The following ZNF713 variants were observed in gnomAD, a reference collection of about 807,000 sequenced individuals.
The protein encoded by ZNF713 is zinc finger protein 713.
ZNF713 carries 21 observed loss-of-function variants against 28.7 expected under a neutral mutation model. That is an observed-to-expected ratio of 0.73 (90% CI 0.52 to 1.05). The LOEUF is 1.05. Among genes scored for constraint, ZNF713 ranks in the 50% least tolerant of loss-of-function variants. The pLI is 0.00. For missense variants in ZNF713, 458 were observed against 532.4 expected (o/e 0.86, Z 1.37); for synonymous variants, 167 against 178.0 (o/e 0.94, Z 0.49).
intron 6 of ZNF713, among the ~76,000 whole-genome samples, chr7:55,932,846 T>TGCAGTCC: frequency 8.2e-6 from 1 of 121,728 alleles, no homozygotes; most frequent in Non-Finnish European, 1.6e-5. Context: ...ATTGCGCCAC[T>TGCAGTCC]GCAGTCCGCA....
In ZNF713 at chr7:55,927,896, CAAAA is replaced by C. The variant is rs71533249; in HGVS notation, c.307+4218_307+4221del. 8.2e-3 allele frequency among the ~76,000 whole-genome samples: 370 copies of C among 44,866 alleles called. 2 individuals carry two copies. The highest frequency in any genetic ancestry group is 0.011 in the Admixed American group (25 of 2,318). The allele number at this position is 44,866 out of a possible 152,430, so 29.4% of individuals were successfully genotyped here. ...TGGGTGACAGAGCAAGACTCTGTCT[CAAAA>C]AAAAAAAAAAAAAAAAAAAAGCCAC... is the stretch of plus-strand genomic sequence containing the variant. On this transcript the variant is annotated intron_variant, in intron 6 of 6. Coordinates refer to ENST00000429591, the MANE Select transcript of ZNF713 (RefSeq NM_182633.3).
chr7:55,899,642 A>T (rs1785537881), intron 1 of ZNF713, among the ~76,000 whole-genome samples: 1 of 151,846 alleles, frequency 6.6e-6, no homozygotes, highest in Admixed American at 6.6e-5. Flanking sequence ...ACTGCACTCC[A>T]GCCTGGGCAA....
At chr7:55,899,019 A>G (rs1170275349) in intron 1 of ZNF713, among the ~76,000 whole-genome samples, 4 of 152,214 alleles carry the variant, frequency 2.6e-5, no homozygotes, top group African/African-American at 9.6e-5. Flanking sequence ...GGGAATGTAA[A>G]TTAATACAGC....
intron 6 of ZNF713, among the ~76,000 whole-genome samples, chr7:55,933,593 C>T (rs577437655): frequency 3.9e-5 from 6 of 152,122 alleles, no homozygotes; most frequent in Admixed American, 2.0e-4. Context: ...CTACTGTGCC[C>T]GGCTTCCTCC....
intron 3 of ZNF713, 113 bp from the exon 4 acceptor site, chr7:55,912,522 A>T (rs187720861): frequency 1.4e-6 from 1 of 693,684 alleles, no homozygotes; most frequent in Admixed American, 2.5e-5. Flanking sequence ...CTTTAGGCTT[A>T]TGTCTTAGAG....
intron 5 of ZNF713, 130 bp downstream of exon 5, chr7:55,923,418 C>A: frequency 7.6e-7 from 1 of 1,308,904 alleles, no homozygotes; most frequent in Non-Finnish European, 1.1e-6. Flanking sequence ...GTTTTGGAGT[C>A]AAAGACCTTT....
intron 1 of ZNF713, among the ~76,000 whole-genome samples, chr7:55,903,679 C>A (rs2047942): frequency 0.81 from 115,504 of 142,272 alleles, 47,282 homozygotes; most frequent in East Asian, 0.95. Flanking sequence ...AAAAAAAAAA[C>A]AAAAAAAAAC....
Position 55,912,043 on chromosome 7 carries a change from C to T in ZNF713, c.-28C>T, listed in dbSNP as rs1281995769. On this transcript the variant is annotated 5_prime_UTR_variant, in exon 3 of 7. Transcript: ENST00000429591. Reference sequence around the variant, plus strand: ...AGAGAGGTGTAATCCCAGTGGAAGACTGAATCGAGAGACTCAAAAAGGAAG... The same window carrying T: ...AGAGAGGTGTAATCCCAGTGGAAGATTGAATCGAGAGACTCAAAAAGGAAG... The T allele has an allele frequency of 6.6e-6, 1 of 152,260 alleles. No homozygotes were observed. Among genetic ancestry groups the T allele is most frequent in the African/African-American group, 2.4e-5 (1 of 41,408 alleles). 9.4% of individuals were successfully genotyped at this position (152,260 alleles called of 1,614,324 possible).
chr7:55,908,529 G>T (rs1482947064), intron 2 of ZNF713, among the ~76,000 whole-genome samples: 3 of 151,744 alleles, frequency 2.0e-5, no homozygotes, highest in African/African-American at 7.2e-5. Flanking sequence ...GCATTTCACT[G>T]TTGATGAATG....
chr7:55,910,175 T>C (rs1170012037), intron 2 of ZNF713, among the ~76,000 whole-genome samples: 1 of 152,010 alleles, frequency 6.6e-6, no homozygotes, highest in African/African-American at 2.4e-5. Flanking sequence ...ATCTTGAAAC[T>C]TTTACTGAAG....
chr7:55,920,185 A>C (rs927527993), intron 4 of ZNF713, among the ~76,000 whole-genome samples: 1 of 152,192 alleles, frequency 6.6e-6, no homozygotes, highest in African/African-American at 2.4e-5. Context: ...GGATGAGCAA[A>C]GAAAGTGGTT....
intron 1 of ZNF713, among the ~76,000 whole-genome samples, chr7:55,888,311 C>T (rs1158106541): frequency 6.6e-6 from 1 of 152,194 alleles, no homozygotes; most frequent in Non-Finnish European, 1.5e-5. Context: ...CGTTGAGTCA[C>T]TTTTCCACGG....
Position 55,940,164 on chromosome 7 carries a change from C to A in ZNF713, c.*158C>A. ...TTGAGACTGAGTCTCACTCTGTCAC[C>A]CAGGCTGAAGTGCAGTGGTACAATC... is the stretch of plus-strand genomic sequence containing the variant. On this transcript the variant is annotated 3_prime_UTR_variant, in exon 7 of 7. Transcript: ENST00000429591. 1.6e-6 allele frequency: 2 copies of A among 1,287,684 alleles called. No homozygotes were observed. Among genetic ancestry groups the A allele is most frequent in the Non-Finnish European group, 2.0e-6 (2 of 979,902 alleles). The allele number at this position is 1,287,684 out of a possible 1,614,324, so 79.8% of individuals were successfully genotyped here. A position where few individuals can be genotyped will look rare whatever the true frequency, so the allele number is the denominator to read the frequency against.
At chr7:55,887,726 G>GAGGA (rs1785278785) in intron 1 of ZNF713, 46 bp downstream of exon 1, 1 of 7,988 alleles carries the variant, frequency 1.3e-4, no homozygotes, top group South Asian at 2.4e-3. Context: ...CGGAGGCGGG[G>GAGGA]GGCGGAGGCG....
chr7:55,906,576 G>A (rs550384430), intron 2 of ZNF713, among the ~76,000 whole-genome samples, 197 bp downstream of exon 2: 1 of 152,242 alleles, frequency 6.6e-6, no homozygotes, highest in East Asian at 1.9e-4. Flanking sequence ...TTCAGGTCAA[G>A]GTTTTTCTGC....
intron 1 of ZNF713, among the ~76,000 whole-genome samples, chr7:55,904,491 A>G (rs1249341579): frequency 7.0e-6 from 1 of 142,078 alleles, no homozygotes; most frequent in Non-Finnish European, 1.5e-5. Flanking sequence ...AAAAAAAAGT[A>G]ATGAGGTCCA....
chr7:55,939,492 T>C lies in ZNF713; in HGVS notation c.818T>C (p.Leu273Pro). ...AAGGCCTTCAGCCACACCTCATCTC[T>C]TAGCCAGCCTCAGATGTTGCTTACA... Reference protein sequence around the residue: ...CGKAFSHTSSLSQPQMLLTGE... With the variant: ...CGKAFSHTSSPSQPQMLLTGE... The change falls in exon 7 of 7, where the codon CTT (leucine) becomes CCT (proline). Residue 273 changes from leucine to proline, a missense_variant. Physicochemically the swap from Leu to Pro is moderately conservative, Grantham distance 98 (BLOSUM62 -3). Coordinates refer to ENST00000429591, the MANE Select transcript of ZNF713 (RefSeq NM_182633.3). 2 of 1,614,104 alleles carry C rather than the reference T, an allele frequency of 1.2e-6. No individual in the cohort carries two copies. The highest frequency in any genetic ancestry group is 1.1e-5 in the South Asian group (1 of 91,066).
intron 2 of ZNF713, among the ~76,000 whole-genome samples, chr7:55,909,977 G>GTA (rs1785754996): frequency 6.6e-6 from 1 of 151,630 alleles, no homozygotes; most frequent in African/African-American, 2.4e-5. Flanking sequence ...GTTTATGTGT[G>GTA]TGTGTGTGTG....
intron 2 of ZNF713, among the ~76,000 whole-genome samples, chr7:55,911,374 C>T (rs577164375): frequency 6.6e-6 from 1 of 152,270 alleles, no homozygotes; most frequent in East Asian, 1.9e-4. Context: ...GTTCTCTGTT[C>T]TGGAAAAGGT....
Sources: gnomAD v4.1 joint callset for allele counts (sites outside exome capture counted in the v4.1 genomes callset) on GRCh38, gnomAD v4.1.1 for gene constraint, MANE v1.5 for transcripts, NCBI Gene and HGNC (gene_info 2026-07-23, HGNC 2026-07-21) for gene names.